The following NELFB variants were observed in gnomAD, a reference collection of about 807,000 sequenced individuals.
NELFB encodes negative elongation factor B.
A neutral mutation model predicts 60.2 loss-of-function variants in NELFB; 34 were observed. The ratio of observed to expected loss-of-function variants is 0.56; its 90% CI spans 0.43 to 0.75. The LOEUF (loss-of-function observed/expected upper bound fraction) is 0.75, where lower values mean the gene tolerates loss of function less well. Among genes scored for constraint, NELFB ranks in the 30% least tolerant of loss-of-function variants. NELFB has a pLI of 0.00. For synonymous variants in NELFB, 459 were observed against 382.1 expected, an observed-to-expected ratio of 1.20 and a Z score of -2.35; for missense variants, 770 against 831.6, an observed-to-expected ratio of 0.93 and a Z score of 0.91.
chr9:137,267,402 C>T (rs1830534703), intron 10 of NELFB, 56 bp downstream of exon 10: 10 of 1,502,182 alleles, frequency 6.7e-6, no homozygotes, highest in Admixed American at 2.0e-5. Context: ...CTGCCGTATG[C>T]AGTCCTGCCC....
At chr9:137,270,158 G>A (rs28698333) in intron 10 of NELFB, among the ~76,000 whole-genome samples, 1,821 of 152,042 alleles carry the variant, frequency 0.012, 30 homozygotes, top group Non-Finnish European at 0.013. Flanking sequence ...GCAGACGTAG[G>A]CATCTCTACA....
chr9:137,256,863 G>A lies in NELFB; in HGVS notation c.550G>A (p.Glu184Lys), dbSNP rs1837561730. 6.2e-7 allele frequency: 1 copy of A among 1,614,196 alleles called. No homozygotes were observed. Among genetic ancestry groups the A allele is most frequent in the Non-Finnish European group, 8.5e-7 (1 of 1,180,042 alleles). ...ACTGAAGCTGGTTATGGCTGACAAG[G>A]AGCTGTATCGAGCCTGCGCCGTGGA... Residue 184 changes from glutamate to lysine, a missense_variant, in exon 4 of 13, where the codon GAG becomes AAG. Transcript: ENST00000343053.
chr9:137,266,018 G>C, intron 7 of NELFB, 39 bp downstream of exon 7: 1 of 1,470,606 alleles, frequency 6.8e-7, no homozygotes, highest in Non-Finnish European at 9.5e-7. Context: ...GGGGCCATGC[G>C]GCCACTCCGC....
At chr9:137,258,921 G>A (rs1279344229) in intron 4 of NELFB, among the ~76,000 whole-genome samples, 1 of 152,178 alleles carries the variant, frequency 6.6e-6, no homozygotes, top group Non-Finnish European at 1.5e-5. Flanking sequence ...GTGAAAGATT[G>A]GGCTGGGTAC....
Position 137,266,378 on chromosome 9 carries a change from G to A in NELFB, c.1191G>A (p.Gln397=), listed in dbSNP as rs1274187772. 6 of 1,612,980 alleles carry A rather than the reference G, an allele frequency of 3.7e-6. No homozygotes were observed. Among genetic ancestry groups the A allele is most frequent in the Non-Finnish European group, 5.1e-6 (6 of 1,179,986 alleles). The change falls in exon 8 of 13, where the codon CAG becomes CAA. Residue 397 remains glutamine (Q), a synonymous_variant. Coordinates refer to ENST00000343053, the MANE Select transcript of NELFB (RefSeq NM_015456.5). Reference sequence around the variant, plus strand: ...TGCTCCGGCTGCTGGCGCTGGGCCAGGGAGCCTGGGACATGATCGACAGCC... The same window carrying A: ...TGCTCCGGCTGCTGGCGCTGGGCCAAGGAGCCTGGGACATGATCGACAGCC...
intron 4 of NELFB, among the ~76,000 whole-genome samples, chr9:137,260,178 T>C (rs1830415697): frequency 6.6e-6 from 1 of 151,004 alleles, no homozygotes; most frequent in African/African-American, 2.4e-5. Context: ...GCCTCCCGAG[T>C]GGCTGGGACT....
Position 137,267,297 on chromosome 9 carries a change from C to T in NELFB, c.1440C>T (p.Ile480=). 6.2e-7 allele frequency: 1 copy of T among 1,613,594 alleles called. No individual in the cohort carries two copies. The highest frequency in any genetic ancestry group is 8.5e-7 in the Non-Finnish European group (1 of 1,179,866). ...TGGGGCTGTACTACGTCCTGCACAT[C>T]ACCAAGCAGAGGAACAAGAACGCGC... Residue 480 remains isoleucine, a synonymous_variant, in exon 10 of 13, where the codon ATC becomes ATT. Transcript: ENST00000343053.
At position 137,266,312 on chromosome 9, in the gene NELFB, G is replaced by A; in HGVS notation, c.1144-19G>A. 1.2e-6 allele frequency: 2 copies of A among 1,606,526 alleles called. No individual in the cohort carries two copies. The highest frequency in any genetic ancestry group is 2.2e-5 in the South Asian group (2 of 90,722). The stretch of plus-strand genomic sequence containing the variant: ...GACACAGCTGCCTGGGAGAGGCGCT[G>A]AGCCCGTCCTCCCTACAGGACAGCC... On this transcript the variant is annotated intron_variant, in intron 7 of 12. Coordinates refer to ENST00000343053, the MANE Select transcript of NELFB (RefSeq NM_015456.5).
rs373486957 is a variant in NELFB at position 137,266,209 on chromosome 9, C to G, written c.1144-122C>G. The G allele has an allele frequency of 6.2e-5, 54 of 869,576 alleles. No homozygotes were observed. In the East Asian group the frequency reaches 7.2e-4, roughly 12 times the overall value. 53.9% of individuals were successfully genotyped at this position (869,576 alleles called of 1,614,324 possible). A position where few individuals can be genotyped will look rare whatever the true frequency, so the allele number is the denominator to read the frequency against. On this transcript the variant is annotated intron_variant, in intron 7 of 12. Coordinates refer to ENST00000343053, the MANE Select transcript of NELFB (RefSeq NM_015456.5). Reference sequence around the variant, plus strand: ...TCACCCCGTGTGTGGGGCTGGTGATCGCAGTCGTGTGGTCCTGGCCATGGG... The same window carrying G: ...TCACCCCGTGTGTGGGGCTGGTGATGGCAGTCGTGTGGTCCTGGCCATGGG...
In NELFB at chr9:137,272,861, C is replaced by T; in HGVS notation, c.1820C>T (p.Ala607Val). The change falls in exon 13 of 13, where the codon GCA becomes GTA. Residue 607 changes from alanine to valine, a missense_variant. Physicochemically the swap from Ala to Val is moderately conservative, Grantham distance 64. Transcript: ENST00000343053. The stretch of plus-strand genomic sequence containing the variant: ...CTGGATCACCGGAAGCCCAGCCCGG[C>T]ACAGGCTGCGGAGACGCCGGCCCTG... 6.5e-7 allele frequency: 1 copy of T among 1,549,536 alleles called. No individual in the cohort carries two copies.
chr9:137,271,611 T>C (rs1430522512), intron 10 of NELFB, among the ~76,000 whole-genome samples: 1 of 152,266 alleles, frequency 6.6e-6, no homozygotes, highest in Non-Finnish European at 1.5e-5. Context: ...TTTCGTTCTC[T>C]TTCCTGTGGT....
Position 137,267,234 on chromosome 9 carries a change from G to C in NELFB, c.1383-6G>C. On this transcript the variant is annotated splice_region_variant and splice_polypyrimidine_tract_variant and intron_variant, in intron 9 of 12. Coordinates refer to ENST00000343053, the MANE Select transcript of NELFB (RefSeq NM_015456.5). ...TGAGGTGGGGCTGATGGCGCCCCGG[G>C]CGCAGGTTTCTGCAGGAGCAGCGCA... 6.2e-7 allele frequency: 1 copy of C among 1,610,622 alleles called. No individual in the cohort carries two copies. Among genetic ancestry groups the C allele is most frequent in the South Asian group, 1.1e-5 (1 of 90,932 alleles).
chr9:137,270,302 G>A (rs975794682), intron 10 of NELFB, among the ~76,000 whole-genome samples: 6 of 146,484 alleles, frequency 4.1e-5, no homozygotes, highest in African/African-American at 1.5e-4. Flanking sequence ...AAAAAAAAAG[G>A]GCGGGGAGCC....
chr9:137,267,347 G>A lies in NELFB; in HGVS notation c.1489+1G>A, dbSNP rs540023967. On this transcript the variant is annotated splice_donor_variant, in intron 10 of 12. Transcript: ENST00000343053. LOFTEE classifies it high-confidence loss of function. Reference sequence around the variant, plus strand: ...CTCCTCCGCCTGCTGCCCGGGCTGGGTAAGTCCTGACGGGCGGTGCCTGGC... The same window carrying A: ...CTCCTCCGCCTGCTGCCCGGGCTGGATAAGTCCTGACGGGCGGTGCCTGGC... 1 of 1,604,224 alleles carries A rather than the reference G, an allele frequency of 6.2e-7. No individual in the cohort carries two copies. Among genetic ancestry groups the A allele is most frequent in the African/African-American group, 1.3e-5 (1 of 74,856 alleles).
intron 4 of NELFB, among the ~76,000 whole-genome samples, chr9:137,258,528 A>T (rs904182598): frequency 3.6e-4 from 54 of 149,240 alleles, no homozygotes; most frequent in African/African-American, 1.3e-3. Flanking sequence ...GGCTCACTGT[A>T]ACCTCTGCCT....
In NELFB at chr9:137,266,390, C is replaced by T; in HGVS notation, c.1203C>T (p.Asp401=). 1 of 1,612,938 alleles carries T rather than the reference C, an allele frequency of 6.2e-7. No individual in the cohort carries two copies. The highest frequency in any genetic ancestry group is 2.2e-5 in the East Asian group (1 of 44,882). ...TGGCGCTGGGCCAGGGAGCCTGGGA[C>T]ATGATCGACAGCCAGGTCTTCAAGG... The change falls in exon 8 of 13, where the codon GAC becomes GAT. Residue 401 remains aspartate (D), a synonymous_variant. Coordinates refer to ENST00000343053, the MANE Select transcript of NELFB (RefSeq NM_015456.5).
At chr9:137,256,745 G>C in intron 3 of NELFB, 79 bp from the exon 4 acceptor site, 2 of 1,375,376 alleles carry the variant, frequency 1.5e-6, no homozygotes, top group Non-Finnish European at 2.0e-6. Context: ...GTCTCTGCGG[G>C]GCTGAGGCCT....
rs779278861 is a variant in NELFB at position 137,263,150 on chromosome 9, G to A, written c.855G>A (p.Leu285=). The A allele has an allele frequency of 6.8e-6, 11 of 1,613,884 alleles. No individual in the cohort carries two copies. The Admixed American group carries it at 1.8e-4, about 27-fold the overall frequency. ...CGCGGAATGTGCACTACTGCACGCT[G>A]CGGGCTGAGCTGCTCATGTCCCTGC... The change falls in exon 5 of 13, where the codon CTG becomes CTA. Residue 285 remains leucine (L), a synonymous_variant. Transcript: ENST00000343053.
At chr9:137,265,717 G>A (rs1295301753) in intron 6 of NELFB, among the ~76,000 whole-genome samples, 160 bp from the exon 7 acceptor site, 7 of 145,996 alleles carry the variant, frequency 4.8e-5, no homozygotes, top group African/African-American at 7.4e-5. Flanking sequence ...AGGCTGAGCC[G>A]CCGCGCTCGG....
Sources: gnomAD v4.1 joint callset for allele counts (sites outside exome capture counted in the v4.1 genomes callset) on GRCh38, gnomAD v4.1.1 for gene constraint, MANE v1.5 for transcripts, NCBI Gene and HGNC (gene_info 2026-07-23, HGNC 2026-07-21) for gene names.